The following SLC44A2 variants were observed in gnomAD, a reference collection of about 807,000 sequenced individuals.
SLC44A2 encodes solute carrier family 44 member 2 (CTL2 blood group).
SLC44A2 carries 57 observed loss-of-function variants against 90.8 expected under a neutral mutation model. That is an observed-to-expected ratio of 0.63 (90% CI 0.51 to 0.78). The LOEUF (loss-of-function observed/expected upper bound fraction) is 0.78. Among genes scored for constraint, SLC44A2 ranks in the 30% least tolerant of loss-of-function variants. The pLI is 0.00. For missense variants in SLC44A2, 794 were observed against 919.7 expected, an observed-to-expected ratio of 0.86 and a Z score of 1.77; for synonymous variants, 355 against 360.7, an observed-to-expected ratio of 0.98 and a Z score of 0.18.
At position 10,636,738 on chromosome 19, in the gene SLC44A2, C is replaced by T. The variant is rs139614403; in HGVS notation, c.1573C>T (p.Leu525=). 2 of 1,613,878 alleles carry T rather than the reference C, an allele frequency of 1.2e-6. No homozygotes were observed. The stretch of plus-strand genomic sequence containing the variant: ...GATCATCCGTGTGATACTCGAGTAC[C>T]TGGATCAGCGGCTGAAAGGTACGTC... ...VQIIRVILEY[L]DQRLKAAENK... is the part of the protein sequence containing the mutation. The change falls in exon 16 of 22, where the codon CTG becomes TTG. Residue 525 remains leucine, a synonymous_variant. Transcript: ENST00000335757.
intron 1 of SLC44A2, among the ~76,000 whole-genome samples, chr19:10,617,455 CCT>C (rs1288053568): frequency 2.7e-5 from 4 of 150,746 alleles, no homozygotes; most frequent in South Asian, 2.1e-4. Flanking sequence ...ATGCCAGGCA[CCT>C]CTCTCTGCAT....
At chr19:10,621,945 A>G (rs555457112), upstream of SLC44A2, among the ~76,000 whole-genome samples, 2 of 152,240 alleles carry the variant, frequency 1.3e-5, no homozygotes, top group East Asian at 3.9e-4. Flanking sequence ...TACTTTTAGT[A>G]GAGATGGGGT....
At chr19:10,605,428 C>T (rs999357575) in intron 1 of SLC44A2, among the ~76,000 whole-genome samples, 1 of 151,914 alleles carries the variant, frequency 6.6e-6, no homozygotes, top group Admixed American at 6.6e-5. Context: ...GCAGGAGAAT[C>T]GCTTGAACTT....
intron 1 of SLC44A2, among the ~76,000 whole-genome samples, chr19:10,607,220 G>T (rs1041116077): frequency 6.6e-6 from 1 of 152,006 alleles, no homozygotes; most frequent in Admixed American, 6.6e-5. Flanking sequence ...GCCTCTTGGG[G>T]CTATTTTCTT....
At chr19:10,625,414 T>C, upstream of SLC44A2, 1 of 1,165,262 alleles carries the variant, frequency 8.6e-7, no homozygotes, top group Non-Finnish European at 1.1e-6. Context: ...GGCCGGTGAG[T>C]GGCGGGAGCA....
chr19:10,617,705 C>G (rs1189941735), intron 1 of SLC44A2, among the ~76,000 whole-genome samples: 2 of 152,172 alleles, frequency 1.3e-5, no homozygotes, highest in Non-Finnish European at 2.9e-5. Context: ...ACTAGCAAAG[C>G]CCTTCCCTTT....
intron 1 of SLC44A2, among the ~76,000 whole-genome samples, chr19:10,611,147 C>T (rs1918293438): frequency 1.3e-5 from 2 of 151,926 alleles, no homozygotes; most frequent in Non-Finnish European, 2.9e-5. Flanking sequence ...GGCTAGAGAG[C>T]ATTATTTTAA....
upstream of SLC44A2, chr19:10,602,497 T>C (rs1324506699): frequency 4.0e-6 from 5 of 1,245,926 alleles, no homozygotes; most frequent in East Asian, 3.2e-5. Context: ...GGGGTCGCGC[T>C]GGCTCGGACT....
chr19:10,641,165 G>C, intron 20 of SLC44A2: 1 of 365,610 alleles, frequency 2.7e-6, no homozygotes. Flanking sequence ...GGCCGAGGCA[G>C]GCAGATCGCT....
intron 1 of SLC44A2, among the ~76,000 whole-genome samples, chr19:10,605,616 G>A (rs1918079560): frequency 6.6e-6 from 1 of 152,146 alleles, no homozygotes; most frequent in African/African-American, 2.4e-5. Flanking sequence ...CAACCTGGGA[G>A]GCAGAGGTTA....
Position 10,637,892 on chromosome 19 carries a change from A to G in SLC44A2, c.1732A>G (p.Arg578Gly), listed in dbSNP as rs1462311158. ...IYGTNFCTSA[R>G]NAFFLLMRNI... Reference sequence around the variant, plus strand: ...CGGCACCAATTTCTGCACCTCGGCCAGGAATGCCTTCTTCCTGCTCATGAG... The same window carrying G: ...CGGCACCAATTTCTGCACCTCGGCCGGGAATGCCTTCTTCCTGCTCATGAG... The change falls in exon 18 of 22, where the codon AGG becomes GGG. Residue 578 changes from arginine (R) to glycine (G), a missense_variant. Transcript: ENST00000335757. 1 of 1,614,126 alleles carries G rather than the reference A, an allele frequency of 6.2e-7. No individual in the cohort carries two copies. Among genetic ancestry groups the G allele is most frequent in the Non-Finnish European group, 8.5e-7 (1 of 1,180,020 alleles).
chr19:10,636,673 G>C lies in SLC44A2; in HGVS notation c.1508G>C (p.Gly503Ala), dbSNP rs781300737. ...CCCTCGGCCCGCAGGTACCACACAG[G>C]CTCCCTGGCCTTTGGCGCGCTCATC... ...AFGRALRYHT[G>A]SLAFGALILA... is the part of the protein sequence containing the mutation. The change falls in exon 16 of 22, where the codon GGC becomes GCC. Residue 503 changes from glycine (G) to alanine (A), a missense_variant. By Grantham distance (60) the Gly-to-Ala change is moderately conservative. Coordinates refer to ENST00000335757, the MANE Select transcript of SLC44A2 (RefSeq NM_020428.4). The C allele has an allele frequency of 1.5e-4, 234 of 1,613,248 alleles. No homozygotes were observed. The highest frequency in any genetic ancestry group is 1.9e-4 in the Non-Finnish European group (229 of 1,179,826).
intron 14 of SLC44A2, 33 bp from the exon 15 acceptor site, chr19:10,636,290 T>C (rs2067052958): frequency 6.3e-7 from 1 of 1,587,028 alleles, no homozygotes; most frequent in Non-Finnish European, 8.6e-7. Flanking sequence ...CTGGTGCCTC[T>C]TTTTGGACTC....
chr19:10,635,076 G>A lies in SLC44A2; in HGVS notation c.1055+3G>A. The stretch of plus-strand genomic sequence containing the variant: ...GCACTCATCAAAGAAGCCAGCAGGT[G>A]GGGGGCCAGGGTGCCAGGGGCCAGG... On this transcript the variant is annotated splice_donor_region_variant and intron_variant, in intron 12 of 21. Coordinates refer to ENST00000335757, the MANE Select transcript of SLC44A2 (RefSeq NM_020428.4). 2 of 1,614,004 alleles carry A rather than the reference G, an allele frequency of 1.2e-6. No homozygotes were observed. The highest frequency in any genetic ancestry group is 1.1e-5 in the South Asian group (1 of 91,076).
chr19:10,637,353 A>T (rs1009400047), intron 16 of SLC44A2, among the ~76,000 whole-genome samples: 4 of 152,104 alleles, frequency 2.6e-5, no homozygotes, highest in African/African-American at 9.7e-5. Flanking sequence ...CTCCATTTCA[A>T]AAAAAGGAAA....
chr19:10,602,671 C>G, intron 1 of SLC44A2: 1 of 1,049,988 alleles, frequency 9.5e-7, no homozygotes, highest in Non-Finnish European at 1.2e-6. Context: ...CTGGATGGCC[C>G]TCCGCGCTCG....
chr19:10,636,963 T>G, intron 16 of SLC44A2: 1 of 559,666 alleles, frequency 1.8e-6, no homozygotes, highest in Non-Finnish European at 3.1e-6. Flanking sequence ...GTGGAATTCT[T>G]GCTGTTGAGG....
At chr19:10,616,607 G>A (rs1202761930) in intron 1 of SLC44A2, among the ~76,000 whole-genome samples, 2 of 151,918 alleles carry the variant, frequency 1.3e-5, no homozygotes, top group Non-Finnish European at 2.9e-5. Context: ...GCTCACGCCT[G>A]TAATCCCAGC....
intron 20 of SLC44A2, among the ~76,000 whole-genome samples, chr19:10,638,532 C>T (rs1331458967): frequency 6.6e-6 from 1 of 152,204 alleles, no homozygotes; most frequent in Non-Finnish European, 1.5e-5. Flanking sequence ...CAACCTCTGC[C>T]TTCCGGGTTC....
Sources: gnomAD v4.1 joint callset for allele counts (sites outside exome capture counted in the v4.1 genomes callset) on GRCh38, gnomAD v4.1.1 for gene constraint, MANE v1.5 for transcripts, NCBI Gene and HGNC (gene_info 2026-07-23, HGNC 2026-07-21) for gene names.